PPP1R1C: variants seen among roughly 807,000 people sequenced by gnomAD.
PPP1R1C encodes the protein protein phosphatase 1 regulatory inhibitor subunit 1C, also known as protein phosphatase 1 regulatory subunit 1C.
Under a neutral mutation model 17.4 loss-of-function variants are expected in PPP1R1C, and 15 were observed. The observed-to-expected ratio is 0.86, with a 90% CI of 0.58 to 1.33. The LOEUF is 1.33. Among genes scored for constraint, PPP1R1C ranks in the 40% most tolerant of loss-of-function variants. The pLI, the probability that PPP1R1C is intolerant of heterozygous loss-of-function variation, is 0.00. For synonymous variants in PPP1R1C, 35 were observed against 43.1 expected, an observed-to-expected ratio of 0.81 and a Z score of 0.73; for missense variants, 143 against 130.0, an observed-to-expected ratio of 1.10 and a Z score of -0.48.
chr2:182,083,320 G>A (rs1688535518), intron 4 of PPP1R1C, among the ~76,000 whole-genome samples: 1 of 152,134 alleles, frequency 6.6e-6, no homozygotes, highest in Admixed American at 6.6e-5. Context: ...TTGTATAGTG[G>A]TGAAGTCTGA....
chr2:182,010,526 A>C (rs912445027), intron 2 of PPP1R1C, among the ~76,000 whole-genome samples: 5 of 151,960 alleles, frequency 3.3e-5, no homozygotes, highest in Non-Finnish European at 5.9e-5. Flanking sequence ...TTTTTGGTGG[A>C]GTCTTCAGGT....
At chr2:181,997,405 G>A (rs1003284187) in intron 2 of PPP1R1C, among the ~76,000 whole-genome samples, 1 of 152,016 alleles carries the variant, frequency 6.6e-6, no homozygotes, top group African/African-American at 2.4e-5. Flanking sequence ...TTACAAAAGA[G>A]GCCTGAACCT....
intron 2 of PPP1R1C, among the ~76,000 whole-genome samples, chr2:182,059,998 A>G (rs367830482): frequency 3.3e-5 from 5 of 152,128 alleles, no homozygotes; most frequent in African/African-American, 1.2e-4. Context: ...ACAGTGGATC[A>G]TATTTGATAT....
At chr2:182,033,549 G>C (rs1429393034) in intron 2 of PPP1R1C, among the ~76,000 whole-genome samples, 1 of 152,014 alleles carries the variant, frequency 6.6e-6, no homozygotes, top group Non-Finnish European at 1.5e-5. Context: ...TGCCCATTTT[G>C]TCTCTTAAAA....
downstream of PPP1R1C, among the ~76,000 whole-genome samples, chr2:182,120,861 CAAAG>C: frequency 6.6e-6 from 1 of 152,032 alleles, no homozygotes; most frequent in Middle Eastern, 3.4e-3. Flanking sequence ...AAAAAAAACA[CAAAG>C]AAATCAAAAT....
chr2:182,014,040 C>T (rs1293425270), intron 2 of PPP1R1C, among the ~76,000 whole-genome samples: 2 of 152,160 alleles, frequency 1.3e-5, no homozygotes, highest in African/African-American at 2.4e-5. Flanking sequence ...GTCCCCAGTA[C>T]CATATTTAGT....
downstream of PPP1R1C, among the ~76,000 whole-genome samples, chr2:182,119,021 A>G (rs1445751187): frequency 6.6e-6 from 1 of 151,948 alleles, no homozygotes; most frequent in African/African-American, 2.4e-5. Flanking sequence ...GTCATTTAAC[A>G]TTAGGTATAT....
intron 4 of PPP1R1C, among the ~76,000 whole-genome samples, chr2:182,068,151 T>C (rs1300880087): frequency 6.6e-6 from 1 of 152,166 alleles, no homozygotes; most frequent in Non-Finnish European, 1.5e-5. Flanking sequence ...GATTTCATCC[T>C]AGTATCTGCA....
rs1283790143 is a variant in PPP1R1C, at chr2:181,957,232, C to T, written n.111+2598C>T. On this transcript the variant is annotated intron_variant and non_coding_transcript_variant, in intron 1 of 5. Coordinates refer to the PPP1R1C transcript ENST00000464264. This position sits in a 1 kb window ranked among gnomAD's most constrained non-coding sequence, Gnocchi z 4.2. Reference sequence around the variant, plus strand: ...AAAATTAGCCAGGCATGGTAGTGCACCCCTGTAATCCCAGCTATTCAGGAG... The same window carrying T: ...AAAATTAGCCAGGCATGGTAGTGCATCCCTGTAATCCCAGCTATTCAGGAG... 2.0e-5 allele frequency among the ~76,000 whole-genome samples: 3 copies of T among 152,098 alleles called. No individual in the cohort carries two copies. Among genetic ancestry groups the T allele is most frequent in the African/African-American group, 7.2e-5 (3 of 41,414 alleles).
Position 182,117,310 on chromosome 2 carries a change from C to A in PPP1R1C, c.*15C>A, listed in dbSNP as rs77446609. On this transcript the variant is annotated 3_prime_UTR_variant, in exon 5 of 5. Transcript: ENST00000682840. ...GGGACCATTAATTACTGGTCTGCAGCAAGAAGGCTTCTTGGAAATAACTGA... is the reference window on the plus strand; with the variant it reads ...GGGACCATTAATTACTGGTCTGCAGAAAGAAGGCTTCTTGGAAATAACTGA... The A allele has an allele frequency of 0.021, 31,082 of 1,512,662 alleles. 491 individuals are homozygous for A. Among genetic ancestry groups the A allele is most frequent in the Middle Eastern group, 0.069 (404 of 5,890 alleles). 93.7% of individuals were successfully genotyped at this position (1,512,662 alleles called of 1,614,324 possible).
chr2:181,962,137 C>G lies in PPP1R1C; in HGVS notation n.111+7503C>G, dbSNP rs1005833392. ...CCTGGAGTCCCTTCTTCTCCAGGTGCTCCCGGATTTTGCTCTCCAGCTTCC... is the reference window on the plus strand; with the variant it reads ...CCTGGAGTCCCTTCTTCTCCAGGTGGTCCCGGATTTTGCTCTCCAGCTTCC... On this transcript the variant is annotated intron_variant and non_coding_transcript_variant, in intron 1 of 5. Transcript: ENST00000464264. This position sits in a 1 kb window ranked among gnomAD's most constrained non-coding sequence, Gnocchi z 6.0. 24 of 731,864 alleles carry G rather than the reference C, an allele frequency of 3.3e-5. No homozygotes were observed. Among genetic ancestry groups the G allele is most frequent in the Admixed American group, 2.4e-4 (14 of 57,168 alleles). The allele number at this position is 731,864 out of a possible 1,614,324, so 45.3% of individuals were successfully genotyped here.
chr2:182,049,355 C>T, intron 2 of PPP1R1C, among the ~76,000 whole-genome samples: 1 of 149,948 alleles, frequency 6.7e-6, no homozygotes, highest in East Asian at 2.0e-4. Flanking sequence ...AAAAAAATCT[C>T]TCTAGGGCAC....
chr2:182,103,171 TA>T (rs959982093), intron 4 of PPP1R1C, among the ~76,000 whole-genome samples: 1 of 151,662 alleles, frequency 6.6e-6, no homozygotes, highest in Non-Finnish European at 1.5e-5. Flanking sequence ...TTTTGTTATT[TA>T]AAAAAAAATC....
chr2:181,994,548 A>G (rs964705510), intron 2 of PPP1R1C, among the ~76,000 whole-genome samples: 4 of 152,222 alleles, frequency 2.6e-5, no homozygotes, highest in African/African-American at 7.2e-5. Flanking sequence ...TCTTATTTAA[A>G]TAAACTTCAG....
At chr2:182,031,251 A>G (rs573947753) in intron 2 of PPP1R1C, among the ~76,000 whole-genome samples, 3 of 152,244 alleles carry the variant, frequency 2.0e-5, no homozygotes, top group African/African-American at 7.2e-5. Context: ...ATATTCTTCT[A>G]TATGTGTTTA....
chr2:182,076,197 C>CTT (rs1165789924), intron 4 of PPP1R1C, among the ~76,000 whole-genome samples: 9 of 25,860 alleles, frequency 3.5e-4, no homozygotes, highest in Non-Finnish European at 4.8e-4. Flanking sequence ...TTTTTCTTTT[C>CTT]TTTTTTTTTT....
At chr2:182,115,098 T>A (rs1201358955) in intron 4 of PPP1R1C, among the ~76,000 whole-genome samples, 1 of 152,170 alleles carries the variant, frequency 6.6e-6, no homozygotes, top group Non-Finnish European at 1.5e-5. Context: ...AGATGAGCTC[T>A]GGAGTCATTA....
At chr2:182,100,304 G>C (rs1689060004) in intron 4 of PPP1R1C, among the ~76,000 whole-genome samples, 1 of 152,060 alleles carries the variant, frequency 6.6e-6, no homozygotes, top group African/African-American at 2.4e-5. Context: ...GAGGTCAAGA[G>C]ATTGAGACCA....
At chr2:182,077,047 A>G (rs1210149583) in intron 4 of PPP1R1C, among the ~76,000 whole-genome samples, 2 of 152,214 alleles carry the variant, frequency 1.3e-5, no homozygotes, top group Non-Finnish European at 2.9e-5. Flanking sequence ...GGGCATACAA[A>G]TGTGTCCTAG....
Sources: allele counts gnomAD v4.1 joint callset (sites outside exome capture counted in the v4.1 genomes callset), GRCh38; gene constraint gnomAD v4.1.1; non-coding constraint Gnocchi (gnomAD v3.1); transcripts MANE v1.5; gene names NCBI Gene and HGNC (gene_info 2026-07-23, HGNC 2026-07-21).